SORCS1: variants seen among roughly 807,000 people sequenced by gnomAD.
SORCS1 encodes sortilin related VPS10 domain containing receptor 1.
SORCS1 carries 60 observed loss-of-function variants against 146.1 expected under a neutral mutation model. The observed-to-expected ratio is 0.41, with a 90% CI of 0.33 to 0.51. The LOEUF is 0.51. Ranked by LOEUF, SORCS1 falls within the 20% of genes least tolerant of loss-of-function variation. The pLI, the probability that SORCS1 is intolerant of heterozygous loss-of-function variation, is 0.21. For missense variants in SORCS1, 1,352 were observed against 1,487.6 expected (o/e 0.91, Z 1.50); for synonymous variants, 637 against 584.0 (o/e 1.09, Z -1.31).
At chr10:106,774,291 C>T (rs529761332) in intron 4 of SORCS1, among the ~76,000 whole-genome samples, 1 of 152,250 alleles carries the variant, frequency 6.6e-6, no homozygotes. Context: ...CTGATTAACG[C>T]TTGAAATCTA....
intron 1 of SORCS1, among the ~76,000 whole-genome samples, chr10:106,962,224 A>G (rs1955259650): frequency 6.6e-6 from 1 of 151,762 alleles, no homozygotes; most frequent in Non-Finnish European, 1.5e-5. Context: ...ACATGGAGAA[A>G]CCCCATCTCC....
chr10:106,626,145 G>A (rs989737275), intron 19 of SORCS1, among the ~76,000 whole-genome samples: 1 of 152,176 alleles, frequency 6.6e-6, no homozygotes, highest in African/African-American at 2.4e-5. Flanking sequence ...GCACTGGAGA[G>A]TGGTCGGAAT....
At chr10:106,681,539 A>G (rs576590329) in intron 10 of SORCS1, among the ~76,000 whole-genome samples, 26 of 152,284 alleles carry the variant, frequency 1.7e-4, no homozygotes, top group African/African-American at 5.8e-4. Context: ...TCACTTTACT[A>G]TTTTACTCAG....
chr10:106,849,269 G>A (rs1564731470), intron 2 of SORCS1, among the ~76,000 whole-genome samples: 2 of 150,594 alleles, frequency 1.3e-5, no homozygotes, highest in Non-Finnish European at 3.0e-5. Flanking sequence ...ATATTTCTTG[G>A]AGGCTTTGCT....
At chr10:107,075,274 C>G (rs143943052) in intron 1 of SORCS1, among the ~76,000 whole-genome samples, 1 of 152,234 alleles carries the variant, frequency 6.6e-6, no homozygotes, top group African/African-American at 2.4e-5. Flanking sequence ...TATTAGAAAA[C>G]AGCATGATGC....
chr10:107,147,599 G>C (rs1968439481), intron 1 of SORCS1, among the ~76,000 whole-genome samples: 1 of 152,112 alleles, frequency 6.6e-6, no homozygotes, highest in Non-Finnish European at 1.5e-5. Flanking sequence ...AACTCAGACA[G>C]ATTATACTTC....
At chr10:106,791,517 C>T (rs547357981) in intron 3 of SORCS1, among the ~76,000 whole-genome samples, 6 of 152,024 alleles carry the variant, frequency 3.9e-5, no homozygotes, top group Non-Finnish European at 5.9e-5. Flanking sequence ...CTGGCCAACA[C>T]TGTGAAACTC....
At chr10:106,612,362 T>C (rs10884336) in intron 21 of SORCS1, among the ~76,000 whole-genome samples, 120,576 of 124,252 alleles carry the variant, frequency 0.97, 58,605 homozygotes, top group East Asian at 1. Context: ...TCTCCTTTCC[T>C]CTGTCTCCCC....
chr10:106,887,568 C>T (rs1951048956), intron 2 of SORCS1, among the ~76,000 whole-genome samples: 1 of 152,130 alleles, frequency 6.6e-6, no homozygotes. Context: ...TGGAGCAAGA[C>T]TCCATCTCAA....
At chr10:107,164,853 C>A (rs1969994845), upstream of SORCS1, among the ~76,000 whole-genome samples, 3 of 146,962 alleles carry the variant, frequency 2.0e-5, no homozygotes. The surrounding 1 kb of genome is among the most constrained non-coding windows in gnomAD (Gnocchi z 6.8). Flanking sequence ...CGTCCCGCGG[C>A]CGAGCTGCGC....
intron 15 of SORCS1, among the ~76,000 whole-genome samples, chr10:106,671,733 T>G (rs1226903076): frequency 6.6e-6 from 1 of 152,170 alleles, no homozygotes. Context: ...ATAAAAGATG[T>G]ATACAGTTGG....
At chr10:106,697,261 G>A (rs969934930) in intron 9 of SORCS1, among the ~76,000 whole-genome samples, 10 of 152,168 alleles carry the variant, frequency 6.6e-5, no homozygotes, top group Non-Finnish European at 1.2e-4. Context: ...TCAGGAGTTC[G>A]AGATCAGCCT....
intron 1 of SORCS1, among the ~76,000 whole-genome samples, chr10:107,109,296 G>C (rs915148775): frequency 6.6e-6 from 1 of 152,222 alleles, no homozygotes; most frequent in Non-Finnish European, 1.5e-5. Flanking sequence ...CACCCCTGCA[G>C]CAGGCTTCTA....
chr10:106,808,349 A>G (rs2136741234), intron 3 of SORCS1, among the ~76,000 whole-genome samples: 1 of 152,274 alleles, frequency 6.6e-6, no homozygotes, highest in South Asian at 2.1e-4. Context: ...AATTCAGCTC[A>G]ATAAATGCAC....
chr10:107,139,537 A>G (rs1481209794), intron 1 of SORCS1, among the ~76,000 whole-genome samples: 1 of 152,150 alleles, frequency 6.6e-6, no homozygotes, highest in Non-Finnish European at 1.5e-5. Flanking sequence ...AGAAAGAGAA[A>G]AGGAAAGACA....
chr10:106,788,366 C>A (rs1445815934), intron 3 of SORCS1, among the ~76,000 whole-genome samples: 1 of 152,202 alleles, frequency 6.6e-6, no homozygotes, highest in Non-Finnish European at 1.5e-5. Context: ...AGTCTCAACT[C>A]ATTTCAGCAT....
chr10:107,171,424 T>C, the SORCS1 span, among the ~76,000 whole-genome samples: 1 of 152,056 alleles, frequency 6.6e-6, no homozygotes, highest in Admixed American at 6.5e-5. Context: ...CAACAGTAGA[T>C]TGGGCAAGAG....
rs3045086 is a variant in SORCS1, at chr10:106,909,384, CAG to C, written c.626+47127_626+47128del. Reference sequence around the variant, plus strand: ...TAGAGTGGAAGGAGAATACAAATGACAGAGAGAGAGAGAGAGAGAGAATATAC... The same window carrying C: ...TAGAGTGGAAGGAGAATACAAATGACAGAGAGAGAGAGAGAGAGAATATAC... On this transcript the variant is annotated intron_variant, in intron 2 of 25. Transcript: ENST00000263054. 3.4e-4 allele frequency among the ~76,000 whole-genome samples: 51 copies of C among 149,570 alleles called. No homozygotes were observed. In the South Asian group the frequency reaches 4.1e-3, roughly 12 times the overall value.
chr10:106,891,810 A>G (rs1951248580), intron 2 of SORCS1, among the ~76,000 whole-genome samples: 1 of 152,190 alleles, frequency 6.6e-6, no homozygotes, highest in African/African-American at 2.4e-5. Context: ...TTAGTTTGAT[A>G]AAGACATACA....
Sources: allele counts gnomAD v4.1 joint callset (sites outside exome capture counted in the v4.1 genomes callset), GRCh38; gene constraint gnomAD v4.1.1; non-coding constraint Gnocchi (gnomAD v3.1); transcripts MANE v1.5; gene names NCBI Gene and HGNC (gene_info 2026-07-23, HGNC 2026-07-21).